The following ABCB10 variants were observed in gnomAD, a reference collection of about 807,000 sequenced individuals.
The protein encoded by ABCB10 is ATP-binding cassette sub-family B member 10, mitochondrial.
Under a neutral mutation model 65.4 loss-of-function variants are expected in ABCB10, and 54 were observed. The ratio of observed to expected loss-of-function variants is 0.83; its 90% CI spans 0.66 to 1.04. The LOEUF is 1.04. ABCB10 is among the 50% of genes least tolerant of loss of function. The pLI, the probability that ABCB10 is intolerant of heterozygous loss-of-function variation, is 0.00. For synonymous variants in ABCB10, 418 were observed against 406.5 expected, an observed-to-expected ratio of 1.03 and a Z score of -0.34; for missense variants, 846 against 976.6, an observed-to-expected ratio of 0.87 and a Z score of 1.78.
intron 1 of ABCB10, 41 bp downstream of exon 1, chr1:229,558,095 G>A: frequency 3.0e-6 from 4 of 1,315,772 alleles, no homozygotes; most frequent in Non-Finnish European, 3.9e-6. Flanking sequence ...GTGTGGAGAA[G>A]GAGAGGCCCG....
chr1:229,556,050 A>G (rs963151250), intron 1 of ABCB10, among the ~76,000 whole-genome samples: 10 of 151,968 alleles, frequency 6.6e-5, no homozygotes, highest in African/African-American at 2.4e-4. Flanking sequence ...TAATTTCTCA[A>G]TGTGGTGGAA....
intron 1 of ABCB10, among the ~76,000 whole-genome samples, chr1:229,552,214 C>T (rs1483378314): frequency 6.6e-6 from 1 of 152,126 alleles, no homozygotes; most frequent in Non-Finnish European, 1.5e-5. Flanking sequence ...TATTTTTTGG[C>T]TTTTAGTTAA....
intron 2 of ABCB10, among the ~76,000 whole-genome samples, chr1:229,548,145 A>G (rs1663015137): frequency 6.6e-6 from 1 of 151,602 alleles, no homozygotes; most frequent in Admixed American, 6.6e-5. Context: ...GAAACTACAG[A>G]TGTCCGCCAC....
chr1:229,518,843 G>A lies in ABCB10; in HGVS notation c.1983C>T (p.Thr661=). 1 of 1,597,384 alleles carries A rather than the reference G, an allele frequency of 6.3e-7. No homozygotes were observed. Residue 661 remains threonine (T), a splice_region_variant and synonymous_variant, in exon 12 of 13, where the codon ACC becomes ACT. Transcript: ENST00000344517. ...NPKILLLDEA[T]SALDAENEYL... ...ATATATTATTAAGATATCCTCACCT[G>A]GTTGCTTCATCTAGGAGAAGAATTT...
intron 10 of ABCB10, among the ~76,000 whole-genome samples, chr1:229,523,977 TTATATA>T (rs149070231): frequency 2.7e-5 from 4 of 149,638 alleles, no homozygotes; most frequent in Admixed American, 1.3e-4. Flanking sequence ...CATCTACTGC[TTATATA>T]TATATATATA....
chr1:229,537,617 T>C (rs1208559856), intron 6 of ABCB10, among the ~76,000 whole-genome samples: 1 of 151,842 alleles, frequency 6.6e-6, no homozygotes, highest in East Asian at 1.9e-4. Flanking sequence ...TGAAACCCCG[T>C]CTCTATTAAA....
chr1:229,541,960 A>G (rs1323694187), intron 4 of ABCB10, among the ~76,000 whole-genome samples: 1 of 151,276 alleles, frequency 6.6e-6, no homozygotes, highest in South Asian at 2.1e-4. Context: ...TCAAAAAAAA[A>G]AAACAAAAAA....
intron 8 of ABCB10, among the ~76,000 whole-genome samples, chr1:229,529,667 CAAAAAA>C (rs969766089): frequency 1.7e-4 from 4 of 23,210 alleles, no homozygotes; most frequent in African/African-American, 3.7e-4. Flanking sequence ...AAGACTGTCT[CAAAAAA>C]AAAAAAAAAA....
At chr1:229,549,654 T>A (rs1447411902) in intron 1 of ABCB10, among the ~76,000 whole-genome samples, 1 of 152,206 alleles carries the variant, frequency 6.6e-6, no homozygotes, top group Non-Finnish European at 1.5e-5. Context: ...TGAGTGATCA[T>A]ATCTGAATCA....
chr1:229,553,408 C>A (rs2102711327), intron 1 of ABCB10, among the ~76,000 whole-genome samples: 1 of 152,272 alleles, frequency 6.6e-6, no homozygotes, highest in East Asian at 1.9e-4. Flanking sequence ...CCGCACCCAG[C>A]CAGATTTGCA....
intron 6 of ABCB10, among the ~76,000 whole-genome samples, chr1:229,533,997 T>C (rs1324598498): frequency 6.6e-6 from 1 of 152,138 alleles, no homozygotes; most frequent in Non-Finnish European, 1.5e-5. Context: ...AGCCACAAAC[T>C]GGAAGAAAAT....
intron 1 of ABCB10, among the ~76,000 whole-genome samples, chr1:229,557,342 G>A (rs1043069019): frequency 6.6e-6 from 1 of 152,288 alleles, no homozygotes; most frequent in Non-Finnish European, 1.5e-5. Flanking sequence ...CAGAAGTGAG[G>A]ACCATGTTTC....
chr1:229,523,126 T>C (rs768660582), intron 10 of ABCB10, among the ~76,000 whole-genome samples: 3 of 152,232 alleles, frequency 2.0e-5, no homozygotes, highest in Non-Finnish European at 4.4e-5. Context: ...TCTAATCCTG[T>C]CTTTTTAAGC....
Position 229,516,832 on chromosome 1 carries a change from G to GAACA in ABCB10, c.*1343_*1346dup, listed in dbSNP as rs149641236. 4.1e-4 allele frequency: 63 copies of GAACA among 152,218 alleles called. No homozygotes were observed. The highest frequency in any genetic ancestry group is 1.5e-3 in the African/African-American group (61 of 41,546). The allele number at this position is 152,218 out of a possible 1,614,324, so 9.4% of individuals were successfully genotyped here. A position where few individuals can be genotyped will look rare whatever the true frequency, so the allele number is the denominator to read the frequency against. ...CAGATGTACTGTTTACTAATTCAAA[G>GAACA]AACACTATATTCATTCATATCAATT... On this transcript the variant is annotated 3_prime_UTR_variant, in exon 13 of 13. Transcript: ENST00000344517.
intron 5 of ABCB10, among the ~76,000 whole-genome samples, chr1:229,540,043 C>T (rs567544536): frequency 3.3e-4 from 51 of 152,260 alleles, no homozygotes; most frequent in Non-Finnish European, 6.2e-4. Flanking sequence ...AGGCCTTCTC[C>T]GGGCCACTGC....
chr1:229,546,761 G>A (rs747125980), intron 3 of ABCB10, among the ~76,000 whole-genome samples: 6 of 151,996 alleles, frequency 3.9e-5, no homozygotes, highest in Non-Finnish European at 7.4e-5. Context: ...GTGTGTGCCT[G>A]TAGTCCCAGA....
At chr1:229,540,401 C>A (rs1662816330) in intron 5 of ABCB10, among the ~76,000 whole-genome samples, 2 of 152,186 alleles carry the variant, frequency 1.3e-5, no homozygotes. Context: ...CCCGATCACA[C>A]CATGCACTGA....
At chr1:229,528,023 A>G (rs982574136) in intron 8 of ABCB10, among the ~76,000 whole-genome samples, 1 of 152,226 alleles carries the variant, frequency 6.6e-6, no homozygotes, top group Non-Finnish European at 1.5e-5. Flanking sequence ...GACTTTTGCT[A>G]ACAGAATTCT....
In ABCB10 at chr1:229,518,161, T is replaced by G; in HGVS notation, c.*18A>C. 6.3e-7 allele frequency: 1 copy of G among 1,581,448 alleles called. No individual in the cohort carries two copies. The highest frequency in any genetic ancestry group is 8.7e-7 in the Non-Finnish European group (1 of 1,150,748). ...GTTTTGCATTAAAGTCTCATATTGTTTACCAGTAATTGCTTCCTTATGCTG... is the reference window on the plus strand; with the variant it reads ...GTTTTGCATTAAAGTCTCATATTGTGTACCAGTAATTGCTTCCTTATGCTG... On this transcript the variant is annotated 3_prime_UTR_variant, in exon 13 of 13. Coordinates refer to ENST00000344517, the MANE Select transcript of ABCB10 (RefSeq NM_012089.3).
Sources: allele counts gnomAD v4.1 joint callset (sites outside exome capture counted in the v4.1 genomes callset), GRCh38; gene constraint gnomAD v4.1.1; transcripts MANE v1.5; gene names NCBI Gene and HGNC (gene_info 2026-07-23, HGNC 2026-07-21).